Variants in MALRD1 observed in about 807,000 individuals in gnomAD.
MALRD1 encodes the protein MAM and LDL-receptor class A domain-containing protein 1.
MALRD1 carries 247 observed loss-of-function variants against 242.1 expected under a neutral mutation model. The ratio of observed to expected loss-of-function variants is 1.02; its 90% CI spans 0.92 to 1.13. The LOEUF is 1.13. Ranked by LOEUF, MALRD1 falls within the 50% of genes most tolerant of loss-of-function variation. The pLI, the probability that MALRD1 is intolerant of heterozygous loss-of-function variation, is 0.00. For missense variants in MALRD1, 2,989 were observed against 2,533.1 expected, an observed-to-expected ratio of 1.18 and a Z score of -3.86; for synonymous variants, 995 against 866.6, an observed-to-expected ratio of 1.15 and a Z score of -2.60.
At chr10:19,216,117 T>C (rs1341813762) in intron 18 of MALRD1, among the ~76,000 whole-genome samples, 1 of 102,158 alleles carries the variant, frequency 9.8e-6, no homozygotes, top group African/African-American at 3.1e-5. Flanking sequence ...CTTTCTTTCT[T>C]TCTTTTTTTT....
intron 13 of MALRD1, among the ~76,000 whole-genome samples, chr10:19,171,427 TACA>T (rs1564439931): frequency 3.2e-4 from 7 of 22,148 alleles, no homozygotes; most frequent in Admixed American, 7.3e-4. Context: ...ATATTTTATA[TACA>T]TATATATATA....
intron 36 of MALRD1, among the ~76,000 whole-genome samples, chr10:19,628,075 AAAGT>A (rs148126003): frequency 0.066 from 10,026 of 152,158 alleles, 796 homozygotes; most frequent in African/African-American, 0.19. Context: ...AAATAAGTGC[AAAGT>A]AAGTCGTTGA....
At chr10:19,441,558 T>G (rs550714217) in intron 28 of MALRD1, among the ~76,000 whole-genome samples, 211 of 152,334 alleles carry the variant, frequency 1.4e-3, no homozygotes, top group African/African-American at 4.7e-3. Flanking sequence ...TTTCTACATA[T>G]GGCTAGCCAG....
intron 26 of MALRD1, among the ~76,000 whole-genome samples, chr10:19,363,274 A>G (rs1264338885): frequency 6.6e-6 from 1 of 152,170 alleles, no homozygotes; most frequent in Non-Finnish European, 1.5e-5. Context: ...ATAAAGAACC[A>G]GGAACTAAGC....
chr10:19,177,957 G>T (rs925293047), intron 14 of MALRD1, among the ~76,000 whole-genome samples: 8 of 152,086 alleles, frequency 5.3e-5, no homozygotes, highest in African/African-American at 1.2e-4. Context: ...ACAAAGAAAG[G>T]TCAGGGAAGT....
intron 18 of MALRD1, among the ~76,000 whole-genome samples, chr10:19,251,930 C>A (rs1839308260): frequency 6.6e-6 from 1 of 151,922 alleles, no homozygotes. Context: ...TCATTCTCTT[C>A]CTCCTACTCC....
intron 4 of MALRD1, among the ~76,000 whole-genome samples, chr10:19,096,089 T>C (rs1057095670): frequency 6.6e-5 from 10 of 152,192 alleles, no homozygotes; most frequent in South Asian, 2.1e-4. Context: ...TCTATGTTTT[T>C]TGATCAAGGT....
At chr10:19,336,338 A>T (rs981561726) in intron 24 of MALRD1, among the ~76,000 whole-genome samples, 2 of 152,146 alleles carry the variant, frequency 1.3e-5, no homozygotes, top group African/African-American at 4.8e-5. Context: ...GAGTATCTCA[A>T]GCATTCTCCA....
intron 36 of MALRD1, among the ~76,000 whole-genome samples, chr10:19,666,539 C>T (rs1382935459): frequency 6.6e-6 from 1 of 152,286 alleles, no homozygotes; most frequent in Admixed American, 6.5e-5. Flanking sequence ...CTTCCTTTAC[C>T]TCCATTCTTA....
rs925232751 is a variant in MALRD1, at chr10:19,163,668, A to G, written c.1657-1969A>G. ...GAACCTAAAATAGAAGTAAAAAGGA[A>G]AAACAATGAGTTGAAAACAATTGTG... On this transcript the variant is annotated intron_variant, in intron 12 of 39. Transcript: ENST00000454679. Among the ~76,000 whole-genome samples, 4 of 152,214 alleles carry G rather than the reference A, an allele frequency of 2.6e-5. No homozygotes were observed. In the East Asian group the frequency reaches 7.7e-4, roughly 29 times the overall value.
intron 28 of MALRD1, among the ~76,000 whole-genome samples, chr10:19,438,236 A>G (rs1052329964): frequency 4.6e-5 from 7 of 151,796 alleles, no homozygotes; most frequent in Non-Finnish European, 2.9e-5. Context: ...TTTCGTCACT[A>G]CCCTACTCTG....
At chr10:19,500,059 G>T (rs1564393896) in intron 31 of MALRD1, among the ~76,000 whole-genome samples, 1 of 152,092 alleles carries the variant, frequency 6.6e-6, no homozygotes, top group Non-Finnish European at 1.5e-5. Flanking sequence ...CAGGGATATT[G>T]GCCTGTAGTT....
Position 19,389,446 on chromosome 10 carries a change from T to C in MALRD1, c.4688-6T>C. 1 of 1,550,036 alleles carries C rather than the reference T, an allele frequency of 6.5e-7. No individual in the cohort carries two copies. Among genetic ancestry groups the C allele is most frequent in the Non-Finnish European group, 8.7e-7 (1 of 1,146,670 alleles). On this transcript the variant is annotated splice_polypyrimidine_tract_variant and splice_region_variant and intron_variant, in intron 27 of 39. Transcript: ENST00000454679. ...GTTCTTCTCTGAATTCTGTCCTTGT[T>C]CCTAGGGCACTTCATGTATCTGGAA...
intron 14 of MALRD1, among the ~76,000 whole-genome samples, chr10:19,185,271 G>T (rs1313567550): frequency 6.6e-6 from 1 of 152,150 alleles, no homozygotes; most frequent in Admixed American, 6.5e-5. Context: ...TCTGTAAGTT[G>T]TAAAGACATT....
intron 29 of MALRD1, among the ~76,000 whole-genome samples, chr10:19,455,667 A>G (rs1249499785): frequency 6.6e-6 from 1 of 152,210 alleles, no homozygotes; most frequent in Admixed American, 6.5e-5. Flanking sequence ...TAAATGAACT[A>G]CACTGCAAGC....
chr10:19,088,608 T>G (rs1835773089), intron 4 of MALRD1, among the ~76,000 whole-genome samples: 1 of 127,788 alleles, frequency 7.8e-6, no homozygotes, highest in Non-Finnish European at 1.6e-5. Flanking sequence ...TATTATACTC[T>G]AAGTTTTAGG....
intron 34 of MALRD1, among the ~76,000 whole-genome samples, chr10:19,603,464 T>G (rs1376628299): frequency 6.6e-6 from 1 of 152,196 alleles, no homozygotes; most frequent in African/African-American, 2.4e-5. Context: ...CTTTCCTCAT[T>G]TCTTGTTTTT....
In MALRD1 at chr10:19,076,262, C is replaced by CATCTATCT. The variant is rs143079075; in HGVS notation, c.340+9415_340+9422dup. ...CAAATTTAATTATCTATATAGCCATCATCTATCTATCTATCTATCATCTAT... is the reference window on the plus strand; with the variant it reads ...CAAATTTAATTATCTATATAGCCATCATCTATCTATCTATCTATCTATCTATCATCTAT... On this transcript the variant is annotated intron_variant, in intron 2 of 39. Transcript: ENST00000454679. 5.4e-4 allele frequency among the ~76,000 whole-genome samples: 82 copies of CATCTATCT among 151,398 alleles called. No individual in the cohort carries two copies. In the Middle Eastern group the frequency reaches 0.014, roughly 25 times the overall value.
intron 34 of MALRD1, among the ~76,000 whole-genome samples, chr10:19,603,443 A>C (rs1167950100): frequency 6.6e-6 from 1 of 152,132 alleles, no homozygotes; most frequent in Admixed American, 6.6e-5. Context: ...CCATTTATTA[A>C]ATAGGGACTC....
Sources: gnomAD v4.1 joint callset for allele counts (sites outside exome capture counted in the v4.1 genomes callset) on GRCh38, gnomAD v4.1.1 for gene constraint, MANE v1.5 for transcripts, NCBI Gene and HGNC (gene_info 2026-07-23, HGNC 2026-07-21) for gene names.